LARP4B: variants seen among roughly 807,000 people sequenced by gnomAD.
LARP4B encodes La ribonucleoprotein 4B, also known as la-related protein 4B.
In LARP4B, 12 loss-of-function variants were observed where a neutral mutation model predicts 89.8. The ratio of observed to expected loss-of-function variants is 0.13; its 90% CI spans 0.09 to 0.22. The LOEUF (loss-of-function observed/expected upper bound fraction) is 0.22. LARP4B is among the 10% of genes least tolerant of loss of function. LARP4B has a pLI of 1.00. For synonymous variants in LARP4B, 367 were observed against 363.3 expected (o/e 1.01, Z -0.12); for missense variants, 757 against 947.7 (o/e 0.80, Z 2.64).
At chr10:968,158 T>C in the LARP4B span, among the ~76,000 whole-genome samples, 1 of 152,186 alleles carries the variant, frequency 6.6e-6, no homozygotes, top group Non-Finnish European at 1.5e-5. Flanking sequence ...CAAGACCCTA[T>C]AATCCTTATG....
the LARP4B span, among the ~76,000 whole-genome samples, chr10:982,554 A>G: frequency 2.0e-5 from 3 of 152,244 alleles, no homozygotes; most frequent in Non-Finnish European, 4.4e-5. Flanking sequence ...AGGCAATAAC[A>G]TATTGCCTCA....
intron 1 of LARP4B, among the ~76,000 whole-genome samples, chr10:909,319 TC>T (rs921287485): frequency 1.9e-4 from 27 of 145,682 alleles, no homozygotes; most frequent in Non-Finnish European, 3.7e-4. Flanking sequence ...AAAAGGAAAT[TC>T]CAAGTTGCTC....
the LARP4B span, among the ~76,000 whole-genome samples, chr10:939,229 C>T: frequency 2.0e-5 from 3 of 152,154 alleles, no homozygotes; most frequent in Non-Finnish European, 4.4e-5. Context: ...GAAGGAGTCC[C>T]GCTCAGGCGA....
At chr10:979,664 C>G in the LARP4B span, among the ~76,000 whole-genome samples, 1 of 152,224 alleles carries the variant, frequency 6.6e-6, no homozygotes, top group African/African-American at 2.4e-5. Flanking sequence ...TTTAACCCAG[C>G]TAACACTTCT....
chr10:935,229 C>T (rs776365225), upstream of LARP4B, among the ~76,000 whole-genome samples: 5 of 152,212 alleles, frequency 3.3e-5, no homozygotes, highest in Non-Finnish European at 5.9e-5. Context: ...GGTAAGTCCA[C>T]AGTTCATAGT....
intron 1 of LARP4B, among the ~76,000 whole-genome samples, chr10:886,890 G>T (rs1291297364): frequency 6.6e-6 from 1 of 152,196 alleles, no homozygotes; most frequent in Non-Finnish European, 1.5e-5. Context: ...AGGAGTTCGA[G>T]ACCTGTCTGA....
the LARP4B span, among the ~76,000 whole-genome samples, chr10:953,805 G>A: frequency 2.0e-5 from 3 of 152,260 alleles, no homozygotes; most frequent in African/African-American, 7.2e-5. Flanking sequence ...GCCTCAGGAT[G>A]TGTAGGCTAG....
intron 8 of LARP4B, among the ~76,000 whole-genome samples, chr10:832,800 T>C (rs902572876): frequency 1.3e-5 from 2 of 152,204 alleles, no homozygotes; most frequent in Non-Finnish European, 2.9e-5. Context: ...TCGGCAGACC[T>C]GTACAAGACA....
chr10:971,591 C>A, the LARP4B span: 1 of 152,138 alleles, frequency 6.6e-6, no homozygotes, highest in Non-Finnish European at 1.5e-5. Context: ...GCAGAGTTGC[C>A]TGTACTGGAG....
the LARP4B span, among the ~76,000 whole-genome samples, chr10:940,164 T>C: frequency 3.9e-5 from 6 of 152,058 alleles, no homozygotes; most frequent in African/African-American, 1.2e-4. Context: ...ATTACAGGCA[T>C]GCACCACCAC....
chr10:859,954 A>C (rs1201212987), intron 5 of LARP4B, among the ~76,000 whole-genome samples: 1 of 151,592 alleles, frequency 6.6e-6, no homozygotes, highest in East Asian at 1.9e-4. Context: ...TGGAGGGTAC[A>C]TGTCATTATA....
intron 1 of LARP4B, among the ~76,000 whole-genome samples, chr10:928,559 T>C (rs983383838): frequency 9.2e-5 from 14 of 152,096 alleles, no homozygotes; most frequent in Non-Finnish European, 1.9e-4. Flanking sequence ...GTAAACACCA[T>C]TAACAATTTG....
In LARP4B at chr10:813,001, C is replaced by T. The variant is rs1427867592; in HGVS notation, c.2142G>A (p.Gly714=). 3 of 1,592,246 alleles carry T rather than the reference C, an allele frequency of 1.9e-6. No individual in the cohort carries two copies. Among genetic ancestry groups the T allele is most frequent in the Non-Finnish European group, 2.6e-6 (3 of 1,174,746 alleles). The part of the protein sequence containing the change: ...GAPRDQRRPA[G]GRPSPSAMGK... ...CCATGGCCGAGGGCGAGGGCCGGCC[C>T]CCCGCCGGCCGCCTCTGGTCTCTGG... Residue 714 remains glycine, a synonymous_variant, in exon 18 of 18, where the codon GGG becomes GGA. Transcript: ENST00000316157.
intron 1 of LARP4B, among the ~76,000 whole-genome samples, chr10:928,058 CAA>C (rs373724119): frequency 1.4e-5 from 2 of 138,796 alleles, no homozygotes; most frequent in Admixed American, 7.3e-5. Flanking sequence ...ACTAAAAATA[CAA>C]AAAAAAAAAA....
the LARP4B span, among the ~76,000 whole-genome samples, chr10:974,757 C>G: frequency 2.0e-5 from 3 of 152,244 alleles, no homozygotes; most frequent in Non-Finnish European, 4.4e-5. Flanking sequence ...CGTGAAACAC[C>G]TGCTAATACA....
the LARP4B span, among the ~76,000 whole-genome samples, chr10:981,363 T>C: frequency 6.6e-6 from 1 of 152,210 alleles, no homozygotes; most frequent in Admixed American, 6.5e-5. Context: ...ATTTTATGTT[T>C]TCAGGTATCT....
At position 863,847 on chromosome 10, in the gene LARP4B, T is replaced by C; in HGVS notation, c.326A>G (p.Glu109Gly). The change falls in exon 5 of 18, where the codon GAG becomes GGG. Residue 109 changes from glutamate (E) to glycine (G), a missense_variant. Around this residue, in one of 5 missense-constraint regions of LARP4B, gnomAD observed 175 missense variants for 187.0 expected, o/e 0.94. Coordinates refer to ENST00000316157, the MANE Select transcript of LARP4B (RefSeq NM_015155.3). ...CTGCGGGTCTGGCAATGCGGCATTC[T>C]CATGGCCCTGGTCACCATCACCATT... is the stretch of plus-strand genomic sequence containing the variant. ...DANGDGDQGH[E>G]NAALPDPQES... 1 of 1,614,066 alleles carries C rather than the reference T, an allele frequency of 6.2e-7. No individual in the cohort carries two copies. Among genetic ancestry groups the C allele is most frequent in the Non-Finnish European group, 8.5e-7 (1 of 1,180,016 alleles).
the LARP4B span, among the ~76,000 whole-genome samples, chr10:950,205 C>G: frequency 1.3e-5 from 2 of 152,190 alleles, no homozygotes; most frequent in Non-Finnish European, 2.9e-5. Context: ...TTTTCATCTT[C>G]TTAACATAGC....
intron 3 of LARP4B, among the ~76,000 whole-genome samples, chr10:878,312 T>A (rs1384709858): frequency 6.6e-6 from 1 of 152,076 alleles, no homozygotes; most frequent in Non-Finnish European, 1.5e-5. Context: ...GAAGGGTGGG[T>A]TGGGGACACC....
Sources: gnomAD v4.1 joint callset for allele counts (sites outside exome capture counted in the v4.1 genomes callset) on GRCh38, gnomAD v4.1.1 for gene constraint, gnomAD v4.1.1 regional missense constraint, MANE v1.5 for transcripts, NCBI Gene and HGNC (gene_info 2026-07-23, HGNC 2026-07-21) for gene names.